NTM: variants seen among roughly 807,000 people sequenced by gnomAD.
NTM encodes neurotrimin, also known as IgLON family member 2.
NTM carries 13 observed loss-of-function variants against 42.1 expected under a neutral mutation model. That is an observed-to-expected ratio of 0.31 (90% confidence interval 0.20 to 0.49). The LOEUF (loss-of-function observed/expected upper bound fraction) is 0.49. Among genes scored for constraint, NTM ranks in the 20% least tolerant of loss-of-function variants. NTM has a pLI of 0.99. For synonymous variants in NTM, 187 were observed against 179.2 expected (o/e 1.04, Z -0.35); for missense variants, 373 against 452.8 (o/e 0.82, Z 1.60).
At chr11:132,069,154 C>A (rs2056983834) in intron 2 of NTM, among the ~76,000 whole-genome samples, 1 of 150,314 alleles carries the variant, frequency 6.7e-6, no homozygotes, top group African/African-American at 2.5e-5. Flanking sequence ...GTCAAACTGA[C>A]CATCACAGGT....
At chr11:132,060,156 C>T (rs781462546) in intron 2 of NTM, among the ~76,000 whole-genome samples, 11 of 152,306 alleles carry the variant, frequency 7.2e-5, no homozygotes, top group Middle Eastern at 3.4e-3. Flanking sequence ...TGCCTCAACA[C>T]GAAGACCACA....
Position 132,134,755 on chromosome 11 carries a change from A to ATATC in NTM, c.168-11524_168-11523insCTAT, listed in dbSNP as rs1566260217. Among the ~76,000 whole-genome samples, 68 of 80,134 alleles carry ATATC rather than the reference A, an allele frequency of 8.5e-4. 2 individuals carry two copies. Among genetic ancestry groups the ATATC allele is most frequent in the South Asian group, 1.8e-3 (4 of 2,256 alleles). The allele number at this position is 80,134 out of a possible 152,430, so 52.6% of individuals were successfully genotyped here. ...TATATATATATATATATATATATAT[A>ATATC]TATATCTCACATTTTCTTTATCTAT... On this transcript the variant is annotated intron_variant, in intron 2 of 8. Transcript: ENST00000683400.
chr11:131,751,765 AC>A lies in NTM; in HGVS notation c.83-159790del, dbSNP rs1252915947. On this transcript the variant is annotated intron_variant, in intron 1 of 8. Coordinates refer to ENST00000683400, the MANE Select transcript of NTM (RefSeq NM_001352005.2). The stretch of plus-strand genomic sequence containing the variant: ...CAGAGCAAGATTCCGTCCCCCCCTC[AC>A]CCCCCCCCAAAATATATACTTATTA... Among the ~76,000 whole-genome samples the A allele has an allele frequency of 3.6e-3, 169 of 47,240 alleles. No homozygotes were observed. In the Middle Eastern group the frequency reaches 0.045, roughly 13 times the overall value. 31.0% of individuals were successfully genotyped at this position (47,240 alleles called of 152,430 possible). A position where few individuals can be genotyped will look rare whatever the true frequency, so the allele number is the denominator to read the frequency against.
intron 1 of NTM, among the ~76,000 whole-genome samples, chr11:131,647,570 T>A (rs929477278): frequency 3.3e-5 from 5 of 152,192 alleles, no homozygotes; most frequent in African/African-American, 1.2e-4. Flanking sequence ...AATTTTTATA[T>A]TTTATCTCAT....
At chr11:132,074,987 A>AT (rs1004356547) in intron 2 of NTM, among the ~76,000 whole-genome samples, 1 of 152,200 alleles carries the variant, frequency 6.6e-6, no homozygotes, top group African/African-American at 2.4e-5. Flanking sequence ...TTAAGTGTCA[A>AT]TTTTTTAAGA....
chr11:131,454,266 G>T (rs1289654270), intron 1 of NTM, among the ~76,000 whole-genome samples: 1 of 152,062 alleles, frequency 6.6e-6, no homozygotes, highest in Non-Finnish European at 1.5e-5. Context: ...CTTTATCATA[G>T]GTATGTATGT....
chr11:132,315,431 G>A (rs1360530725), intron 7 of NTM, among the ~76,000 whole-genome samples: 3 of 152,128 alleles, frequency 2.0e-5, no homozygotes, highest in South Asian at 2.1e-4. Context: ...CTTGATGAAC[G>A]CAGATTCTCC....
intron 1 of NTM, among the ~76,000 whole-genome samples, chr11:131,881,903 C>T (rs960072919): frequency 2.6e-5 from 4 of 152,126 alleles, no homozygotes; most frequent in South Asian, 2.1e-4. Context: ...CAGAAGGTTG[C>T]GGGGCTGACC....
chr11:132,083,806 G>A (rs1022594093), intron 2 of NTM, among the ~76,000 whole-genome samples: 1 of 152,114 alleles, frequency 6.6e-6, no homozygotes, highest in African/African-American at 2.4e-5. Context: ...TAACCATATT[G>A]CCATAAGATA....
intron 1 of NTM, among the ~76,000 whole-genome samples, chr11:131,399,034 T>G (rs1012607115): frequency 6.6e-5 from 10 of 152,178 alleles, no homozygotes; most frequent in African/African-American, 1.9e-4. Context: ...TCATATGTAC[T>G]TGGAAGTGGT....
At chr11:132,307,217 G>A (rs776927884) in intron 4 of NTM, among the ~76,000 whole-genome samples, 45 of 151,922 alleles carry the variant, frequency 3.0e-4, no homozygotes, top group Non-Finnish European at 5.7e-4. Flanking sequence ...TGTGATGCAC[G>A]TGTGTGTGTG....
intron 3 of NTM, among the ~76,000 whole-genome samples, chr11:132,194,447 G>A (rs2079844089): frequency 6.6e-6 from 1 of 151,898 alleles, no homozygotes; most frequent in Admixed American, 6.6e-5. Context: ...CAACAAATTA[G>A]GCATCAAAGG....
At chr11:131,980,765 G>C (rs2065103776) in intron 2 of NTM, among the ~76,000 whole-genome samples, 1 of 152,172 alleles carries the variant, frequency 6.6e-6, no homozygotes, top group South Asian at 2.1e-4. Context: ...TAGAAAGGAA[G>C]TTAAACAAAT....
intron 1 of NTM, among the ~76,000 whole-genome samples, chr11:131,770,074 A>T (rs1591718822): frequency 6.6e-6 from 1 of 152,188 alleles, no homozygotes; most frequent in Non-Finnish European, 1.5e-5. Flanking sequence ...TCCAACTCAC[A>T]TTCTTTCACT....
chr11:131,915,543 T>C (rs2056168244), intron 2 of NTM, among the ~76,000 whole-genome samples: 2 of 152,228 alleles, frequency 1.3e-5, no homozygotes, highest in South Asian at 4.1e-4. Context: ...CATTTTATTT[T>C]AAATTTCAAC....
chr11:132,228,494 A>G (rs941605616), intron 4 of NTM, among the ~76,000 whole-genome samples: 2 of 152,136 alleles, frequency 1.3e-5, no homozygotes, highest in Non-Finnish European at 2.9e-5. Context: ...CATTGCCACC[A>G]TTGCCCTAGA....
intron 1 of NTM, among the ~76,000 whole-genome samples, chr11:131,832,634 T>C (rs1022570556): frequency 2.6e-5 from 4 of 152,312 alleles, no homozygotes; most frequent in African/African-American, 9.6e-5. Context: ...ATTGGGGTTC[T>C]TGGTCCCTCC....
At chr11:132,081,365 T>C (rs1238496096) in intron 2 of NTM, among the ~76,000 whole-genome samples, 1 of 152,230 alleles carries the variant, frequency 6.6e-6, no homozygotes, top group African/African-American at 2.4e-5. Flanking sequence ...TGGGTTCCAG[T>C]AGTGATGTAC....
intron 1 of NTM, among the ~76,000 whole-genome samples, chr11:131,490,132 G>A (rs577627514): frequency 8.5e-5 from 13 of 152,190 alleles, no homozygotes; most frequent in African/African-American, 1.4e-4. Flanking sequence ...ACTCACTACC[G>A]GGAGAATGAC....
Sources: allele counts gnomAD v4.1 joint callset (sites outside exome capture counted in the v4.1 genomes callset), GRCh38; gene constraint gnomAD v4.1.1; transcripts MANE v1.5; gene names NCBI Gene and HGNC (gene_info 2026-07-23, HGNC 2026-07-21).